The following CYB5A variants were observed in gnomAD, a reference collection of about 807,000 sequenced individuals.
CYB5A encodes cytochrome b5.
CYB5A carries 10 observed loss-of-function variants against 16.2 expected under a neutral mutation model. The ratio of observed to expected loss-of-function variants is 0.62; its 90% CI spans 0.38 to 1.04. CYB5A has a LOEUF of 1.04. Ranked by LOEUF, CYB5A falls within the 50% of genes least tolerant of loss-of-function variation. The probability of loss-of-function intolerance (pLI) is 0.01; values close to 1 mark genes in which losing one functional copy is unlikely to be tolerated. For missense variants in CYB5A, 161 were observed against 165.9 expected (o/e 0.97, Z 0.16); for synonymous variants, 62 against 57.0 (o/e 1.09, Z -0.40).
At chr18:74,260,248 T>C (rs1440643125) in intron 3 of CYB5A, 1 of 153,142 alleles carries the variant, frequency 6.5e-6, no homozygotes, top group Admixed American at 6.5e-5. Flanking sequence ...CTGTAGTCCT[T>C]TAATTAGACA....
chr18:74,258,319 A>G (rs1343641401), intron 3 of CYB5A: 1 of 152,240 alleles, frequency 6.6e-6, no homozygotes, highest in Admixed American at 6.5e-5. Flanking sequence ...AATGCTTTCA[A>G]AACTATAACC....
At chr18:74,265,830 T>A (rs1037598351) in intron 1 of CYB5A, among the ~76,000 whole-genome samples, 1 of 152,120 alleles carries the variant, frequency 6.6e-6, no homozygotes, top group South Asian at 2.1e-4. Context: ...AAGTGAGAAG[T>A]CACTCACTAC....
chr18:74,291,392 G>A (rs1983531172), intron 1 of CYB5A, among the ~76,000 whole-genome samples: 2 of 116,512 alleles, frequency 1.7e-5, no homozygotes, highest in South Asian at 5.3e-4. Context: ...GCGCTCCCAG[G>A]TGTACACGCG....
At position 74,273,830 on chromosome 18, in the gene CYB5A, T is replaced by A. The variant is rs140307236; in HGVS notation, c.130-10353A>T. Among the ~76,000 whole-genome samples, 179 of 152,332 alleles carry A rather than the reference T, an allele frequency of 1.2e-3. 1 individual carries two copies. The highest frequency in any genetic ancestry group is 4.2e-3 in the African/African-American group (174 of 41,562). On this transcript the variant is annotated intron_variant, in intron 1 of 4. Transcript: ENST00000340533. ...CTTCATACCTACATAAGAACCTCGC[T>A]GAGAAGACACGTGGCCCACTTAATA...
In CYB5A at chr18:74,277,582, T is replaced by C. The variant is rs573905091; in HGVS notation, c.130-14105A>G. On this transcript the variant is annotated intron_variant, in intron 1 of 4. Coordinates refer to ENST00000340533, the MANE Select transcript of CYB5A (RefSeq NM_148923.4). ...TTAGAGTCTAGTAAGGAAACTGACA[T>C]GTAAACAGATAGCTAAATGTGGCGA... Among the ~76,000 whole-genome samples, 328 of 152,288 alleles carry C rather than the reference T, an allele frequency of 2.2e-3. 1 individual carries two copies. Among genetic ancestry groups the C allele is most frequent in the Non-Finnish European group, 2.8e-3 (193 of 68,030 alleles).
At chr18:74,261,993 G>GC (rs1982220660) in intron 2 of CYB5A, among the ~76,000 whole-genome samples, 1 of 152,174 alleles carries the variant, frequency 6.6e-6, no homozygotes, top group African/African-American at 2.4e-5. Flanking sequence ...AGCTGAGTGT[G>GC]CGGCCCCAGG....
intron 1 of CYB5A, among the ~76,000 whole-genome samples, chr18:74,286,913 GTTTCTTTACTGT>G (rs1021512801): frequency 1.3e-5 from 2 of 152,144 alleles, no homozygotes; most frequent in East Asian, 1.9e-4. Flanking sequence ...TTAATTTGCT[GTTTCTTTACTGT>G]TTTCTTTACT....
chr18:74,279,860 A>G (rs1983024829), intron 1 of CYB5A, among the ~76,000 whole-genome samples: 1 of 152,248 alleles, frequency 6.6e-6, no homozygotes, highest in South Asian at 2.1e-4. Context: ...ATAAATAACT[A>G]TTTAGTCCTT....
intron 2 of CYB5A, 55 bp downstream of exon 2, chr18:74,263,294 A>C: frequency 1.2e-6 from 2 of 1,611,450 alleles, no homozygotes; most frequent in Non-Finnish European, 1.7e-6. Flanking sequence ...GACTAGGGTA[A>C]GGTCATCTGA....
chr18:74,260,113 A>C (rs753641459), intron 3 of CYB5A: 1 of 152,300 alleles, frequency 6.6e-6, no homozygotes, highest in African/African-American at 2.4e-5. Flanking sequence ...AAATCAGCTC[A>C]CCAGTTCTCG....
At chr18:74,270,578 T>C (rs76800730) in intron 1 of CYB5A, among the ~76,000 whole-genome samples, 13,098 of 152,068 alleles carry the variant, frequency 0.086, 700 homozygotes, top group South Asian at 0.16. Flanking sequence ...CAACCAACCA[T>C]GGATGGAAAA....
intron 1 of CYB5A, among the ~76,000 whole-genome samples, chr18:74,264,217 A>C (rs1435613514): frequency 1.1e-5 from 1 of 93,696 alleles, no homozygotes; most frequent in African/African-American, 2.9e-5. Context: ...TCTCAAAAAA[A>C]AAAAAAAAAG....
chr18:74,274,092 A>G (rs573363297), intron 1 of CYB5A, among the ~76,000 whole-genome samples: 1 of 152,248 alleles, frequency 6.6e-6, no homozygotes, highest in Non-Finnish European at 1.5e-5. Context: ...TAAGGAGTCC[A>G]CTTTCCCATA....
Position 74,291,786 on chromosome 18 carries a change from C to T in CYB5A, c.90G>A (p.Leu30=). 1.2e-6 allele frequency: 2 copies of T among 1,613,908 alleles called. No homozygotes were observed. Among genetic ancestry groups the T allele is most frequent in the South Asian group, 2.2e-5 (2 of 91,078 alleles). ...TGGTCAAATCGTACACCTTGTGGTGCAGGATCAGCCAGGTGCTCTTGCTGT... is the reference window on the plus strand; with the variant it reads ...TGGTCAAATCGTACACCTTGTGGTGTAGGATCAGCCAGGTGCTCTTGCTGT... The part of the protein sequence containing the change: ...HNHSKSTWLI[L]HHKVYDLTKF... Residue 30 remains leucine, a synonymous_variant, in exon 1 of 5, where the codon CTG becomes CTA. Coordinates refer to ENST00000340533, the MANE Select transcript of CYB5A (RefSeq NM_148923.4).
chr18:74,260,819 G>A, intron 3 of CYB5A, 96 bp downstream of exon 3: 1 of 999,216 alleles, frequency 1.0e-6, no homozygotes, highest in South Asian at 1.3e-5. Flanking sequence ...GACCTGTGCT[G>A]GCATCAGTCA....
intron 3 of CYB5A, chr18:74,258,981 TA>T (rs1982095273): frequency 6.6e-6 from 1 of 152,008 alleles, no homozygotes; most frequent in South Asian, 2.1e-4. Context: ...CCATCTCTAC[TA>T]AAAATACAAA....
At position 74,264,167 on chromosome 18, in the gene CYB5A, C is replaced by T. The variant is rs1447309522; in HGVS notation, c.130-690G>A. On this transcript the variant is annotated intron_variant, in intron 1 of 4. Coordinates refer to ENST00000340533, the MANE Select transcript of CYB5A (RefSeq NM_148923.4). Reference sequence around the variant, plus strand: ...CCGAGGTTGCAGTGAGCTGAGATTGCGCCACTGCACTCCAGCCTAGGCAAC... The same window carrying T: ...CCGAGGTTGCAGTGAGCTGAGATTGTGCCACTGCACTCCAGCCTAGGCAAC... Among the ~76,000 whole-genome samples the T allele has an allele frequency of 4.7e-5, 7 of 149,956 alleles. No individual in the cohort carries two copies. In the South Asian group the frequency reaches 6.3e-4, roughly 14 times the overall value.
chr18:74,291,929 A>C lies in CYB5A; in HGVS notation c.-54T>G, dbSNP rs1983567033. 6.2e-7 allele frequency: 1 copy of C among 1,604,024 alleles called. No individual in the cohort carries two copies. Among genetic ancestry groups the C allele is most frequent in the East Asian group, 2.2e-5 (1 of 44,824 alleles). On this transcript the variant is annotated 5_prime_UTR_variant, in exon 1 of 5. Transcript: ENST00000340533. ...CACACAGCCCCGTCGGGTGGAGCAGAGCGCGCGACTCAGCCAGCTCCACCC... is the reference window on the plus strand; with the variant it reads ...CACACAGCCCCGTCGGGTGGAGCAGCGCGCGCGACTCAGCCAGCTCCACCC...
At position 74,263,518 on chromosome 18, in the gene CYB5A, C is replaced by G. The variant is rs746750353; in HGVS notation, c.130-41G>C. 3.1e-6 allele frequency: 5 copies of G among 1,593,992 alleles called. No homozygotes were observed. The African/African-American group carries it at 6.7e-5, about 21-fold the overall frequency. ...GTAGAATAAAAATTTTTTTTTCAGG[C>G]AAATGAATTAAGAGAAAACGGCCAG... On this transcript the variant is annotated intron_variant, in intron 1 of 4. Coordinates refer to ENST00000340533, the MANE Select transcript of CYB5A (RefSeq NM_148923.4).
Sources: allele counts gnomAD v4.1 joint callset (sites outside exome capture counted in the v4.1 genomes callset), GRCh38; gene constraint gnomAD v4.1.1; transcripts MANE v1.5; gene names NCBI Gene and HGNC (gene_info 2026-07-23, HGNC 2026-07-21).